Variants in HELZ observed in about 807,000 individuals in gnomAD.
HELZ encodes the protein helicase with zinc finger.
In HELZ, 23 loss-of-function variants were observed where a neutral mutation model predicts 218.2. That is an observed-to-expected ratio of 0.11 (90% CI 0.08 to 0.15). The LOEUF is 0.15. Ranked by LOEUF, HELZ falls within the 10% of genes least tolerant of loss-of-function variation. The probability of loss-of-function intolerance (pLI) is 1.00; values close to 1 mark genes in which losing one functional copy is unlikely to be tolerated. For synonymous variants in HELZ, 814 were observed against 829.4 expected (o/e 0.98, Z 0.32); for missense variants, 1,813 against 2,353.7 (o/e 0.77, Z 4.75).
rs772144239 is a variant in HELZ at position 67,120,542 on chromosome 17, G to A, written c.3701C>T (p.Ala1234Val). The change falls in exon 27 of 33, where the codon GCC becomes GTC. Residue 1234 changes from alanine to valine, a missense_variant. Physicochemically the swap from Ala to Val is moderately conservative, Grantham distance 64. Around this residue, in one of 4 missense-constraint regions of HELZ, gnomAD observed 938 missense variants for 1,027.5 expected, o/e 0.91. Coordinates refer to ENST00000358691, the MANE Select transcript of HELZ (RefSeq NM_014877.4). ...PRIITHQAAM[A>V]YNMNLLQTHG... ...TGTCTGTAATAGGTTCATGTTATAG[G>A]CCATTGCTGCCTGATGTGTAATAAT... 1 of 1,613,320 alleles carries A rather than the reference G, an allele frequency of 6.2e-7. No individual in the cohort carries two copies. Among genetic ancestry groups the A allele is most frequent in the Non-Finnish European group, 8.5e-7 (1 of 1,179,720 alleles).
Position 67,151,186 on chromosome 17 carries a change from G to T in HELZ, c.2216C>A (p.Pro739Gln). Residue 739 changes from proline (P) to glutamine (Q), a missense_variant, in exon 18 of 33, where the codon CCA becomes CAA. Around this residue, in one of 4 missense-constraint regions of HELZ, gnomAD observed 714 missense variants for 1,029.2 expected, o/e 0.69. Transcript: ENST00000358691. ...GATCAAACAGTACTGATGCACAACT[G>T]GGTGGACAGTCTTTACCCAGCGATT... ...FRNRWVKTVH[P>Q]VVHQYCLISS... The T allele has an allele frequency of 6.2e-7, 1 of 1,613,516 alleles. No individual in the cohort carries two copies. Among genetic ancestry groups the T allele is most frequent in the Non-Finnish European group, 8.5e-7 (1 of 1,179,636 alleles).
chr17:67,192,240 A>T (rs2039917174), intron 9 of HELZ, among the ~76,000 whole-genome samples: 1 of 152,104 alleles, frequency 6.6e-6, no homozygotes, highest in Non-Finnish European at 1.5e-5. Context: ...TGTAAATATA[A>T]TATAAAACTA....
chr17:67,223,011 G>A lies in HELZ; in HGVS notation c.-18-4189C>T, dbSNP rs142297726. On this transcript the variant is annotated intron_variant, in intron 3 of 32. Coordinates refer to ENST00000358691, the MANE Select transcript of HELZ (RefSeq NM_014877.4). ...GCCTGTAATCCCAGCACTTTGGGAG[G>A]CCGAGGCGAGTGGATCATGAGGTCA... Among the ~76,000 whole-genome samples, 398 of 151,594 alleles carry A rather than the reference G, an allele frequency of 2.6e-3. 2 individuals are homozygous for A. Among genetic ancestry groups the A allele is most frequent in the African/African-American group, 9.3e-3 (385 of 41,256 alleles).
At chr17:67,147,160 T>C (rs1446793077) in intron 20 of HELZ, among the ~76,000 whole-genome samples, 3 of 152,200 alleles carry the variant, frequency 2.0e-5, no homozygotes, top group Non-Finnish European at 4.4e-5. Context: ...AGCATGTAGC[T>C]TTTCATATAG....
intron 17 of HELZ, among the ~76,000 whole-genome samples, chr17:67,154,630 G>C (rs1598334061): frequency 6.6e-6 from 1 of 152,018 alleles, no homozygotes. Context: ...GCCTGAAGTT[G>C]ATAATCATTT....
chr17:67,145,969 T>C lies in HELZ; in HGVS notation c.2622-79A>G, dbSNP rs902208568. The C allele has an allele frequency of 1.8e-4, 224 of 1,223,978 alleles. No homozygotes were observed. The East Asian group carries it at 5.6e-3, about 31-fold the overall frequency. 75.8% of individuals were successfully genotyped at this position (1,223,978 alleles called of 1,614,324 possible). On this transcript the variant is annotated intron_variant, in intron 20 of 32. Coordinates refer to ENST00000358691, the MANE Select transcript of HELZ (RefSeq NM_014877.4). Reference sequence around the variant, plus strand: ...TCACCCATAAGAAAAAAAAAATCAGTCGATTCTAATAATATTGCCTTATGT... The same window carrying C: ...TCACCCATAAGAAAAAAAAAATCAGCCGATTCTAATAATATTGCCTTATGT...
Position 67,110,268 on chromosome 17 carries a change from A to G in HELZ, c.3919-582T>C, listed in dbSNP as rs570629711. 2.0e-5 allele frequency among the ~76,000 whole-genome samples: 3 copies of G among 152,152 alleles called. No homozygotes were observed. The South Asian group carries it at 6.2e-4, about 32-fold the overall frequency. ...TTTTTAGTAGAGATGGAGTTTCACC[A>G]TGTTGGCCAGGCCTGGTCTCAAACT... On this transcript the variant is annotated intron_variant, in intron 28 of 32. Coordinates refer to ENST00000358691, the MANE Select transcript of HELZ (RefSeq NM_014877.4).
chr17:67,208,312 A>T (rs1331736956), intron 5 of HELZ, among the ~76,000 whole-genome samples: 1 of 152,192 alleles, frequency 6.6e-6, no homozygotes, highest in Non-Finnish European at 1.5e-5. Flanking sequence ...CTTCACGATG[A>T]TGGAGCAGTT....
chr17:67,243,973 A>T (rs1279630560), intron 1 of HELZ, 134 bp from the exon 2 acceptor site: 1 of 985,198 alleles, frequency 1.0e-6, no homozygotes, highest in Non-Finnish European at 1.2e-6. Context: ...TACAGTGTGC[A>T]GCTTTGCAAA....
chr17:67,193,893 C>T (rs1250111747), intron 9 of HELZ, 74 bp downstream of exon 9: 7 of 1,071,328 alleles, frequency 6.5e-6, no homozygotes, highest in Non-Finnish European at 8.5e-6. Context: ...CCATTTTACT[C>T]CATTAGATAA....
intron 23 of HELZ, among the ~76,000 whole-genome samples, chr17:67,129,503 T>A (rs912372557): frequency 6.6e-6 from 1 of 151,974 alleles, no homozygotes; most frequent in Non-Finnish European, 1.5e-5. Context: ...AGACATAAAT[T>A]TGAGTCACAA....
chr17:67,223,071 C>A lies in HELZ; in HGVS notation c.-18-4249G>T, dbSNP rs2040792628. On this transcript the variant is annotated intron_variant, in intron 3 of 32. Coordinates refer to ENST00000358691, the MANE Select transcript of HELZ (RefSeq NM_014877.4). ...GCCCATCCTGGCTAACACGGTGAAA[C>A]CCCATCTCTACTAAAAATACAAAAA... Among the ~76,000 whole-genome samples, 4 of 148,548 alleles carry A rather than the reference C, an allele frequency of 2.7e-5. No individual in the cohort carries two copies. The South Asian group carries it at 8.6e-4, about 32-fold the overall frequency.
intron 31 of HELZ, among the ~76,000 whole-genome samples, chr17:67,095,286 AC>A (rs545196093): frequency 1.0e-3 from 157 of 152,254 alleles, no homozygotes; most frequent in African/African-American, 3.4e-3. Context: ...TAATCCCAAA[AC>A]TTTGGGAGGC....
At chr17:67,195,519 G>A (rs200251506) in intron 7 of HELZ, 49 bp from the exon 8 acceptor site, 25 of 1,055,304 alleles carry the variant, frequency 2.4e-5, no homozygotes, top group Middle Eastern at 4.0e-4. Flanking sequence ...TAACGTTGAT[G>A]CTGAACTAAA....
chr17:67,185,327 T>C (rs1185790200), intron 12 of HELZ, among the ~76,000 whole-genome samples: 2 of 152,318 alleles, frequency 1.3e-5, no homozygotes, highest in East Asian at 1.9e-4. Flanking sequence ...CTAACTGTAA[T>C]AGTACTGAGA....
chr17:67,085,468 G>A (rs1284244686), intron 32 of HELZ, among the ~76,000 whole-genome samples: 2 of 152,010 alleles, frequency 1.3e-5, no homozygotes, highest in African/African-American at 2.4e-5. Flanking sequence ...AAATACAGCG[G>A]TTTACTCCTA....
chr17:67,233,563 T>G (rs1213674158), intron 3 of HELZ, among the ~76,000 whole-genome samples: 6 of 152,126 alleles, frequency 3.9e-5, no homozygotes, highest in African/African-American at 1.4e-4. Flanking sequence ...TAACTAATTG[T>G]GAGACCTCAC....
chr17:67,107,826 A>G (rs2037154758), intron 30 of HELZ, 141 bp from the exon 31 acceptor site: 1 of 701,046 alleles, frequency 1.4e-6, no homozygotes, highest in Non-Finnish European at 2.4e-6. Context: ...TCTCAGATGT[A>G]AGCATTAACA....
At chr17:67,160,110 T>G in intron 17 of HELZ, 151 bp downstream of exon 17, 2 of 575,238 alleles carry the variant, frequency 3.5e-6, no homozygotes, top group Non-Finnish European at 6.1e-6. Context: ...CATTTTTCCT[T>G]AATTTAAACA....
Sources: gnomAD v4.1 joint callset for allele counts (sites outside exome capture counted in the v4.1 genomes callset) on GRCh38, gnomAD v4.1.1 for gene constraint, gnomAD v4.1.1 regional missense constraint, MANE v1.5 for transcripts, NCBI Gene and HGNC (gene_info 2026-07-23, HGNC 2026-07-21) for gene names.